FGF13: variants seen among roughly 807,000 people sequenced by gnomAD.
FGF13 encodes fibroblast growth factor 13, also known as fibroblast growth factor homologous factor 2.
FGF13 carries 2 observed loss-of-function variants against 19.5 expected under a neutral mutation model. The ratio of observed to expected loss-of-function variants is 0.10; its 90% CI spans 0.04 to 0.32. The LOEUF is 0.32. Ranked by LOEUF, FGF13 falls within the 10% of genes least tolerant of loss-of-function variation. The probability of loss-of-function intolerance (pLI) is 1.00; values close to 1 mark genes in which losing one functional copy is unlikely to be tolerated. For missense variants in FGF13, 113 were observed against 192.7 expected (o/e 0.59, Z 2.45); for synonymous variants, 72 against 76.9 (o/e 0.94, Z 0.33).
At chrX:138,704,923 G>A (rs180883605) in intron 2 of FGF13, among the ~76,000 whole-genome samples, 20 of 112,422 alleles carry the variant, frequency 1.8e-4, no homozygotes, top group African/African-American at 5.5e-4. Flanking sequence ...TTCTGTTGAC[G>A]ATGTCTTGTT....
intron 1 of FGF13, among the ~76,000 whole-genome samples, chrX:138,949,328 C>A (rs2091798270): frequency 9.0e-6 from 1 of 111,389 alleles, no homozygotes; most frequent in African/African-American, 3.3e-5. Flanking sequence ...TCTGAAGGCT[C>A]TAGAGAAGAA....
chrX:138,853,622 T>TGTGTGTGTGTGTGTGTGTGC (rs1806478649), downstream of FGF13, among the ~76,000 whole-genome samples: 1 of 53,533 alleles, frequency 1.9e-5, no homozygotes, highest in Admixed American at 1.6e-4. Context: ...TGCGTGTGCG[T>TGTGTGTGTGTGTGTGTGTGC]GTGTGTGTGT....
At position 138,941,230 on chromosome X, in the gene FGF13, GA is replaced by G. The variant is rs1463970974; in HGVS notation, c.-112-76581del. On this transcript the variant is annotated intron_variant, in intron 1 of 2. Transcript: ENST00000421460. Reference sequence around the variant, plus strand: ...GGCCAGAGCAATCAGGGAAGAGAAAGAAATAAAAGACATCCAAATAGGAAGA... The same window carrying G: ...GGCCAGAGCAATCAGGGAAGAGAAAGAATAAAAGACATCCAAATAGGAAGA... 5.4e-5 allele frequency among the ~76,000 whole-genome samples: 6 copies of G among 111,528 alleles called. No homozygotes were observed. The Admixed American group carries it at 5.7e-4, about 11-fold the overall frequency.
chrX:138,974,045 C>T (rs1028456872), intron 1 of FGF13, among the ~76,000 whole-genome samples: 4 of 111,594 alleles, frequency 3.6e-5, no homozygotes, highest in Non-Finnish European at 7.5e-5. Flanking sequence ...GTAATGTCCT[C>T]TGCCATGTTG....
At position 139,152,297 on chromosome X, in the gene FGF13, T is replaced by C. The variant is rs745872743; in HGVS notation, c.-113+51119A>G. Among the ~76,000 whole-genome samples, 5 of 97,673 alleles carry C rather than the reference T, an allele frequency of 5.1e-5. No homozygotes were observed. The Admixed American group carries it at 5.4e-4, about 10-fold the overall frequency. 84.8% of individuals were successfully genotyped at this position (97,673 alleles called of 115,157 possible). A position where few individuals can be genotyped will look rare whatever the true frequency, so the allele number is the denominator to read the frequency against. On this transcript the variant is annotated intron_variant, in intron 1 of 2. Transcript: ENST00000421460. Reference sequence around the variant, plus strand: ...AAAACGGAGGAGGCCCCGGGGCGATTACCGATGTGATTAAGTTAAAAAAAA... The same window carrying C: ...AAAACGGAGGAGGCCCCGGGGCGATCACCGATGTGATTAAGTTAAAAAAAA...
chrX:138,768,713 A>AAG (rs1370213941), intron 3 of FGF13, among the ~76,000 whole-genome samples: 4 of 98,780 alleles, frequency 4.0e-5, no homozygotes, highest in African/African-American at 1.6e-4. Context: ...ATATATATAT[A>AAG]TATAAGTATA....
chrX:139,076,774 T>C (rs755612226), intron 1 of FGF13, among the ~76,000 whole-genome samples: 1 of 112,275 alleles, frequency 8.9e-6, no homozygotes, highest in South Asian at 3.7e-4. Context: ...TTTCATTTTT[T>C]CTCAGTGCCT....
At chrX:138,915,747 T>A (rs2091614804) in intron 1 of FGF13, among the ~76,000 whole-genome samples, 1 of 112,109 alleles carries the variant, frequency 8.9e-6, no homozygotes, top group South Asian at 3.7e-4. Flanking sequence ...TGCTCATTTC[T>A]TGAGATATGA....
At chrX:138,849,184 A>G (rs2091205780) in intron 3 of FGF13, among the ~76,000 whole-genome samples, 1 of 111,600 alleles carries the variant, frequency 9.0e-6, no homozygotes, top group Non-Finnish European at 1.9e-5. Flanking sequence ...ATTATCAGTA[A>G]AAGGGTCCAG....
intron 1 of FGF13, among the ~76,000 whole-genome samples, chrX:138,947,517 C>T (rs1470580508): frequency 3.6e-5 from 4 of 111,563 alleles, no homozygotes; most frequent in African/African-American, 1.3e-4. Context: ...AATCCTATTA[C>T]CATGCCTGTC....
upstream of FGF13, among the ~76,000 whole-genome samples, chrX:138,739,712 C>T (rs759693543): frequency 9.0e-6 from 1 of 111,558 alleles, no homozygotes; most frequent in Non-Finnish European, 1.9e-5. Context: ...GAAAGTCTCC[C>T]CGATAGTGTT....
intron 1 of FGF13, among the ~76,000 whole-genome samples, chrX:139,065,481 C>CAAAAAGAAAAAA (rs2092352034): frequency 3.2e-5 from 1 of 30,779 alleles, no homozygotes; most frequent in Non-Finnish European, 5.7e-5. Context: ...AAACGGAAAG[C>CAAAAAGAAAAAA]AAAAAAAAAA....
chrX:138,760,082 C>A (rs747021715), intron 3 of FGF13, among the ~76,000 whole-genome samples: 2 of 111,340 alleles, frequency 1.8e-5, no homozygotes, highest in Non-Finnish European at 3.8e-5. Flanking sequence ...GAGTCCTCTG[C>A]TTTCTGAACT....
chrX:138,778,522 G>A (rs1203374064), intron 3 of FGF13, among the ~76,000 whole-genome samples: 3 of 112,383 alleles, frequency 2.7e-5, no homozygotes, highest in African/African-American at 9.7e-5. Context: ...AGGGGTCAGG[G>A]AGTTCCCTTT....
chrX:138,664,468 T>C (rs1321390257), intron 3 of FGF13, among the ~76,000 whole-genome samples: 2 of 110,402 alleles, frequency 1.8e-5, no homozygotes, highest in South Asian at 7.6e-4. Context: ...TTTTAGGAGA[T>C]AAAATTCAGA....
At position 138,625,838 on chromosome X, in the gene FGF13, A is replaced by C. The variant is rs185621428; in HGVS notation, c.*7012T>G. ...GTTACCTTAAAAAAATAAAATGTGC[A>C]CTTTAGATGGGAAGATGTTGTTAGA... On this transcript the variant is annotated 3_prime_UTR_variant, in exon 5 of 5. Transcript: ENST00000315930. 1 of 110,333 alleles carries C rather than the reference A, an allele frequency of 9.1e-6. No homozygotes were observed. Among genetic ancestry groups the C allele is most frequent in the Non-Finnish European group, 1.9e-5 (1 of 52,824 alleles). The allele number at this position is 110,333 out of a possible 1,213,427, so 9.1% of individuals were successfully genotyped here. A position where few individuals can be genotyped will look rare whatever the true frequency, so the allele number is the denominator to read the frequency against.
chrX:139,118,655 C>T (rs2083656526), intron 1 of FGF13, among the ~76,000 whole-genome samples: 1 of 111,432 alleles, frequency 9.0e-6, no homozygotes, highest in Non-Finnish European at 1.9e-5. Context: ...CTACCTTAAA[C>T]CAAATCTCCC....
chrX:139,067,635 G>A (rs2092361380), intron 1 of FGF13, among the ~76,000 whole-genome samples: 1 of 111,823 alleles, frequency 8.9e-6, no homozygotes, highest in Non-Finnish European at 1.9e-5. Flanking sequence ...AATAAAAGAG[G>A]ACACAAACAA....
Position 138,738,853 on chromosome X carries a change from A to G in FGF13, c.28+389T>C, listed in dbSNP as rs139136210. On this transcript the variant is annotated intron_variant, in intron 1 of 4. Coordinates refer to the FGF13 transcript ENST00000305414. ...TAATTACTTATTCTCTTTTTTCTTT[A>G]GAAATTAAAATTAATGTTTTGTGCT... 2.1e-3 allele frequency among the ~76,000 whole-genome samples: 234 copies of G among 112,151 alleles called. 1 individual carries two copies. Among genetic ancestry groups the G allele is most frequent in the African/African-American group, 7.1e-3 (220 of 30,920 alleles).
Sources: allele counts gnomAD v4.1 joint callset (sites outside exome capture counted in the v4.1 genomes callset), GRCh38; gene constraint gnomAD v4.1.1; transcripts MANE v1.5; gene names NCBI Gene and HGNC (gene_info 2026-07-23, HGNC 2026-07-21).